Variants in COLGALT1 observed in about 807,000 individuals in gnomAD.
COLGALT1 encodes the protein procollagen galactosyltransferase 1.
COLGALT1 carries 43 observed loss-of-function variants against 60.8 expected under a neutral mutation model. The ratio of observed to expected loss-of-function variants is 0.71; its 90% CI spans 0.55 to 0.91. The LOEUF (loss-of-function observed/expected upper bound fraction) is 0.91, where lower values mean the gene tolerates loss of function less well. Ranked by LOEUF, COLGALT1 falls within the 40% of genes least tolerant of loss-of-function variation. The pLI, the probability that COLGALT1 is intolerant of heterozygous loss-of-function variation, is 0.00. For missense variants in COLGALT1, 845 were observed against 880.0 expected, an observed-to-expected ratio of 0.96 and a Z score of 0.50; for synonymous variants, 369 against 374.2, an observed-to-expected ratio of 0.99 and a Z score of 0.16.
At position 17,575,861 on chromosome 19, in the gene COLGALT1, C is replaced by T. The variant is rs1658956215; in HGVS notation, c.950-1334C>T. Among the ~76,000 whole-genome samples, 3 of 152,110 alleles carry T rather than the reference C, an allele frequency of 2.0e-5. No homozygotes were observed. In the South Asian group the frequency reaches 6.2e-4, roughly 32 times the overall value. On this transcript the variant is annotated intron_variant, in intron 6 of 11. Transcript: ENST00000252599. ...GTGGATTAGGGCCCACCCTAATGAC[C>T]TCATTTTAACTCGATGACCTCTGTA...
chr19:17,568,494 G>C lies in COLGALT1; in HGVS notation c.625-15G>C. 6.2e-7 allele frequency: 1 copy of C among 1,610,820 alleles called. No homozygotes were observed. Among genetic ancestry groups the C allele is most frequent in the Non-Finnish European group, 8.5e-7 (1 of 1,177,270 alleles). The stretch of plus-strand genomic sequence containing the variant: ...TTCAAGACCCCTACGCGGAACTCTC[G>C]CTCTCTCCCCACAGGGCTACTACAA... On this transcript the variant is annotated splice_polypyrimidine_tract_variant and intron_variant, in intron 4 of 11. Transcript: ENST00000252599.
At position 17,582,816 on chromosome 19, in the gene COLGALT1, C is replaced by T. The variant is rs763665845; in HGVS notation, c.*1372C>T. ...GGTGGCCCCACGCCACATGTTAGCCCCCCTGGAGGGGGCGCCAGTTGGAGA... is the reference window on the plus strand; with the variant it reads ...GGTGGCCCCACGCCACATGTTAGCCTCCCTGGAGGGGGCGCCAGTTGGAGA... On this transcript the variant is annotated 3_prime_UTR_variant, in exon 12 of 12. Coordinates refer to ENST00000252599, the MANE Select transcript of COLGALT1 (RefSeq NM_024656.4). The T allele has an allele frequency of 2.0e-5, 3 of 152,290 alleles. No homozygotes were observed. The highest frequency in any genetic ancestry group is 4.4e-5 in the Non-Finnish European group (3 of 68,088). The allele number at this position is 152,290 out of a possible 1,614,324, so 9.4% of individuals were successfully genotyped here. A position where few individuals can be genotyped will look rare whatever the true frequency, so the allele number is the denominator to read the frequency against.
rs201820847 is a variant in COLGALT1, at chr19:17,564,373, AATATAG to A, written c.490-3027_490-3022del. 2.2e-4 allele frequency among the ~76,000 whole-genome samples: 33 copies of A among 151,166 alleles called. 1 individual carries two copies. The East Asian group carries it at 3.9e-3, about 18-fold the overall frequency. On this transcript the variant is annotated intron_variant, in intron 3 of 11. Coordinates refer to ENST00000252599, the MANE Select transcript of COLGALT1 (RefSeq NM_024656.4). ...AACATATATACGTGTGTGTGTGTAT[AATATAG>A]ATATACATATGAAACAAGAAAGAAA...
At chr19:17,571,503 C>G (rs1316955750) in intron 5 of COLGALT1, among the ~76,000 whole-genome samples, 1 of 151,650 alleles carries the variant, frequency 6.6e-6, no homozygotes, top group Non-Finnish European at 1.5e-5. Context: ...CACTTGAGGT[C>G]AGGATTTCGA....
intron 5 of COLGALT1, among the ~76,000 whole-genome samples, chr19:17,569,418 T>C (rs2076298790): frequency 6.6e-6 from 1 of 151,502 alleles, no homozygotes; most frequent in East Asian, 1.9e-4. Context: ...CTTCATACTT[T>C]TCTATATTCT....
chr19:17,573,061 G>A (rs2076322139), intron 6 of COLGALT1, among the ~76,000 whole-genome samples: 1 of 152,072 alleles, frequency 6.6e-6, no homozygotes, highest in East Asian at 1.9e-4. Flanking sequence ...AGCTATAGAG[G>A]ACATGAAAAC....
intron 11 of COLGALT1, 36 bp downstream of exon 11, chr19:17,580,941 A>G (rs1226536863): frequency 1.9e-6 from 3 of 1,609,676 alleles, no homozygotes; most frequent in Non-Finnish European, 2.5e-6. Flanking sequence ...CTGGGGTTTC[A>G]CGGTGGGTCT....
At chr19:17,566,130 C>A (rs1018343489) in intron 3 of COLGALT1, 1 of 152,018 alleles carries the variant, frequency 6.6e-6, no homozygotes, top group African/African-American at 2.4e-5. Context: ...TTTGGGAGGC[C>A]GAGGCAGGCG....
chr19:17,582,348 G>T lies in COLGALT1; in HGVS notation c.*904G>T, dbSNP rs899500540. ...TACACTTACTGAGCACCTGCTGTGT[G>T]CAGGGAGCTGAGCTATGGGATGGGA... On this transcript the variant is annotated 3_prime_UTR_variant, in exon 12 of 12. Transcript: ENST00000252599. The T allele has an allele frequency of 6.6e-6, 1 of 152,272 alleles. No homozygotes were observed. Among genetic ancestry groups the T allele is most frequent in the Non-Finnish European group, 1.5e-5 (1 of 68,056 alleles). 9.4% of individuals were successfully genotyped at this position (152,272 alleles called of 1,614,324 possible).
rs543292749 is a variant in COLGALT1, at chr19:17,568,940, A to G, written c.829+227A>G. ...TTCATTCCCTAGCTCTTTAAGATCTATTGGTTGGTCAGGCAGAGTGGCTTA... is the reference window on the plus strand; with the variant it reads ...TTCATTCCCTAGCTCTTTAAGATCTGTTGGTTGGTCAGGCAGAGTGGCTTA... On this transcript the variant is annotated intron_variant, in intron 5 of 11. Transcript: ENST00000252599. Among the ~76,000 whole-genome samples, 3 of 152,268 alleles carry G rather than the reference A, an allele frequency of 2.0e-5. No individual in the cohort carries two copies. The East Asian group carries it at 5.8e-4, about 29-fold the overall frequency.
intron 6 of COLGALT1, among the ~76,000 whole-genome samples, chr19:17,575,314 C>A (rs1599791600): frequency 6.6e-6 from 1 of 151,234 alleles, no homozygotes; most frequent in Non-Finnish European, 1.5e-5. Flanking sequence ...GGCCCGATCT[C>A]GGCTCACTGC....
At chr19:17,565,253 T>G (rs1330788397) in intron 3 of COLGALT1, among the ~76,000 whole-genome samples, 3 of 151,866 alleles carry the variant, frequency 2.0e-5, no homozygotes, top group Non-Finnish European at 4.4e-5. Context: ...TCTCCTGGGT[T>G]CAAGCGATTC....
At chr19:17,580,592 G>T (rs1438804181) in intron 10 of COLGALT1, 107 bp from the exon 11 acceptor site, 7 of 1,060,564 alleles carry the variant, frequency 6.6e-6, no homozygotes, top group Non-Finnish European at 6.9e-6. Context: ...AACATGCTGA[G>T]CCTGCTCCCA....
chr19:17,581,129 G>C (rs73524018), intron 11 of COLGALT1, 48 bp from the exon 12 acceptor site: 107,131 of 1,581,950 alleles, frequency 0.068, 6,364 homozygotes, highest in African/African-American at 0.32. Context: ...CAGCTGTCCC[G>C]TCCCCTGAAG....
intron 3 of COLGALT1, among the ~76,000 whole-genome samples, chr19:17,563,308 G>A (rs1239300815): frequency 3.5e-5 from 5 of 142,742 alleles, no homozygotes; most frequent in Middle Eastern, 3.6e-3. Flanking sequence ...CTCCTGCTTC[G>A]GCCTCCCAAG....
chr19:17,556,648 A>C (rs1599773446), intron 1 of COLGALT1: 4 of 523,652 alleles, frequency 7.6e-6, no homozygotes, highest in South Asian at 8.1e-5. Context: ...GCAGTGGCTC[A>C]CGCAGTAATC....
At chr19:17,577,304 G>T in intron 7 of COLGALT1, 33 bp downstream of exon 7, 1 of 1,611,152 alleles carries the variant, frequency 6.2e-7, no homozygotes, top group South Asian at 1.1e-5. Flanking sequence ...GCGGGGCGGG[G>T]GCTGGAGGGC....
chr19:17,567,430 C>G lies in COLGALT1; in HGVS notation c.514C>G (p.Leu172Val). The change falls in exon 4 of 12, where the codon CTC becomes GTC. Residue 172 changes from leucine to valine, a missense_variant. Coordinates refer to ENST00000252599, the MANE Select transcript of COLGALT1 (RefSeq NM_024656.4). ...ILFVDADNLI[L>V]NPDTLSLLIA... ...GTTTGTAGATGCGGACAACCTGATC[C>G]TCAACCCTGACACACTGAGCCTGCT... is the stretch of plus-strand genomic sequence containing the variant. 1 of 1,613,942 alleles carries G rather than the reference C, an allele frequency of 6.2e-7. No individual in the cohort carries two copies. Among genetic ancestry groups the G allele is most frequent in the South Asian group, 1.1e-5 (1 of 91,088 alleles).
intron 9 of COLGALT1, among the ~76,000 whole-genome samples, chr19:17,578,762 G>T (rs1157382832): frequency 6.6e-6 from 1 of 152,184 alleles, no homozygotes; most frequent in Non-Finnish European, 1.5e-5. Context: ...TGTAATCTCA[G>T]CACTTTGGGA....
Sources: gnomAD v4.1 joint callset for allele counts (sites outside exome capture counted in the v4.1 genomes callset) on GRCh38, gnomAD v4.1.1 for gene constraint, MANE v1.5 for transcripts, NCBI Gene and HGNC (gene_info 2026-07-23, HGNC 2026-07-21) for gene names.